PTPRT: variants seen among roughly 807,000 people sequenced by gnomAD.
The protein encoded by PTPRT is protein tyrosine phosphatase receptor type T, also known as receptor-type tyrosine-protein phosphatase T.
PTPRT carries 56 observed loss-of-function variants against 176.8 expected under a neutral mutation model. The observed-to-expected ratio is 0.32, with a 90% CI of 0.26 to 0.40. PTPRT has a LOEUF of 0.40. Among genes scored for constraint, PTPRT ranks in the 10% least tolerant of loss-of-function variants. The pLI is 1.00. For missense variants in PTPRT, 1,540 were observed against 1,908.2 expected (o/e 0.81, Z 3.60); for synonymous variants, 783 against 739.0 (o/e 1.06, Z -0.96).
Position 42,110,431 on chromosome 20 carries a change from G to C in PTPRT, c.3156C>G (p.Asp1052Glu), listed in dbSNP as rs778028209. Residue 1052 changes from aspartate (D) to glutamate (E), a missense_variant, in exon 23 of 31, where the codon GAC (aspartate) becomes GAG (glutamate). Coordinates refer to ENST00000373187, the MANE Select transcript of PTPRT (RefSeq NM_007050.6). ...CAGTGGCATAGCAGGGAACGCCGTG[G>C]TCAGGCCAGCTGGTGAAGTGGAAGA... ...LRLFHFTSWP[D>E]HGVPCYATGL... 1 of 1,612,808 alleles carries C rather than the reference G, an allele frequency of 6.2e-7. No individual in the cohort carries two copies. The highest frequency in any genetic ancestry group is 1.7e-5 in the Admixed American group (1 of 59,992).
chr20:42,748,795 G>A (rs1205937586), intron 6 of PTPRT, among the ~76,000 whole-genome samples: 1 of 151,950 alleles, frequency 6.6e-6, no homozygotes, highest in East Asian at 1.9e-4. Context: ...TGACTGGAGG[G>A]GGTTAAGGTA....
chr20:42,679,640 A>G (rs1383404008), intron 6 of PTPRT, among the ~76,000 whole-genome samples: 1 of 152,190 alleles, frequency 6.6e-6, no homozygotes, highest in African/African-American at 2.4e-5. Context: ...ATGTACTGAC[A>G]CATTTTTTGT....
chr20:42,085,938 C>A, intron 27 of PTPRT, 85 bp from the exon 28 acceptor site: 6 of 1,391,654 alleles, frequency 4.3e-6, no homozygotes, highest in South Asian at 1.3e-5. Context: ...CTTTTCTTTT[C>A]TTTTTTTCTT....
intron 1 of PTPRT, among the ~76,000 whole-genome samples, chr20:42,899,534 A>G (rs565831799): frequency 2.0e-4 from 30 of 152,298 alleles, no homozygotes; most frequent in Admixed American, 1.2e-3. Context: ...TCTCTATCAT[A>G]CCACCTTGTT....
intron 11 of PTPRT, among the ~76,000 whole-genome samples, chr20:42,336,819 G>A (rs1161211163): frequency 6.6e-6 from 1 of 152,140 alleles, no homozygotes; most frequent in Non-Finnish European, 1.5e-5. Context: ...GTTTCAGATG[G>A]CTGTGGATTA....
intron 9 of PTPRT, among the ~76,000 whole-genome samples, chr20:42,373,965 TG>T (rs1470079111): frequency 6.6e-6 from 1 of 152,054 alleles, no homozygotes; most frequent in East Asian, 1.9e-4. Flanking sequence ...CAGAGGGTGC[TG>T]GGGTGGGGTC....
intron 18 of PTPRT, 112 bp from the exon 19 acceptor site, chr20:42,128,942 C>A: frequency 2.6e-6 from 2 of 778,192 alleles, no homozygotes; most frequent in Non-Finnish European, 3.7e-6. Context: ...TTGTGCTACT[C>A]TCATTTAACT....
intron 1 of PTPRT, among the ~76,000 whole-genome samples, chr20:43,111,955 T>C (rs1193081035): frequency 6.6e-6 from 1 of 152,192 alleles, no homozygotes; most frequent in Non-Finnish European, 1.5e-5. Context: ...GAGGGCATCA[T>C]CTCATCACTA....
At chr20:42,343,603 G>A (rs1004980418) in intron 11 of PTPRT, among the ~76,000 whole-genome samples, 11 of 152,104 alleles carry the variant, frequency 7.2e-5, no homozygotes, top group East Asian at 1.9e-4. Flanking sequence ...TTTATATTTC[G>A]GAAAGGTGCT....
At chr20:42,712,258 G>A (rs2076155946) in intron 6 of PTPRT, among the ~76,000 whole-genome samples, 1 of 152,120 alleles carries the variant, frequency 6.6e-6, no homozygotes, top group Non-Finnish European at 1.5e-5. Flanking sequence ...CTAATTGTGG[G>A]TTCTGCCCTG....
In PTPRT at chr20:42,460,426, C is replaced by T. The variant is rs62203540; in HGVS notation, c.1450+11840G>A. Among the ~76,000 whole-genome samples, 1,327 of 152,282 alleles carry T rather than the reference C, an allele frequency of 8.7e-3. 11 individuals carry two copies. Among genetic ancestry groups the T allele is most frequent in the Middle Eastern group, 0.014 (4 of 294 alleles). On this transcript the variant is annotated intron_variant, in intron 8 of 30. Coordinates refer to ENST00000373187, the MANE Select transcript of PTPRT (RefSeq NM_007050.6). ...GCATCGAGTAGCTGCTACAGACCCT[C>T]TCATGGATAAAGCCTATACTTTAAG... is the stretch of plus-strand genomic sequence containing the variant.
intron 9 of PTPRT, among the ~76,000 whole-genome samples, chr20:42,388,503 C>A (rs2058766802): frequency 6.6e-6 from 1 of 152,324 alleles, no homozygotes; most frequent in African/African-American, 2.4e-5. Context: ...GACATTTATG[C>A]AGCCAACAGG....
intron 16 of PTPRT, among the ~76,000 whole-genome samples, chr20:42,176,807 A>G (rs2146567878): frequency 6.6e-6 from 1 of 152,370 alleles, no homozygotes; most frequent in South Asian, 2.1e-4. Flanking sequence ...AAGAAAGAGA[A>G]AATGAAATAA....
intron 27 of PTPRT, among the ~76,000 whole-genome samples, chr20:42,089,482 C>A (rs1168024148): frequency 3.3e-5 from 5 of 152,178 alleles, no homozygotes; most frequent in South Asian, 4.1e-4. Flanking sequence ...AATGATTTGT[C>A]TCTTTTAATA....
chr20:43,112,593 T>A (rs960801015), intron 1 of PTPRT, among the ~76,000 whole-genome samples: 3 of 152,238 alleles, frequency 2.0e-5, no homozygotes, highest in African/African-American at 7.2e-5. Context: ...GCTTTCAAAG[T>A]AAGATCTTTG....
chr20:43,066,705 G>A (rs956569117), intron 1 of PTPRT, among the ~76,000 whole-genome samples: 12 of 152,188 alleles, frequency 7.9e-5, no homozygotes, highest in Non-Finnish European at 1.5e-4. Context: ...AGTGGTGGAA[G>A]GGTAGGGAAG....
intron 6 of PTPRT, among the ~76,000 whole-genome samples, chr20:42,712,630 T>C (rs924087204): frequency 6.6e-6 from 1 of 152,192 alleles, no homozygotes; most frequent in African/African-American, 2.4e-5. Context: ...AAAAGTGATA[T>C]GTAAGGTGAT....
chr20:42,236,539 T>C (rs1389507475), intron 14 of PTPRT, among the ~76,000 whole-genome samples: 2 of 151,990 alleles, frequency 1.3e-5, no homozygotes, highest in Non-Finnish European at 2.9e-5. Context: ...GCTGTTGTAG[T>C]TGGTTCAAAG....
At chr20:42,703,171 C>T (rs572592838) in intron 6 of PTPRT, among the ~76,000 whole-genome samples, 14 of 152,072 alleles carry the variant, frequency 9.2e-5, no homozygotes, top group African/African-American at 3.4e-4. Flanking sequence ...CTTCATCTGA[C>T]CATGTGGGGC....
Sources: allele counts gnomAD v4.1 joint callset (sites outside exome capture counted in the v4.1 genomes callset), GRCh38; gene constraint gnomAD v4.1.1; transcripts MANE v1.5; gene names NCBI Gene and HGNC (gene_info 2026-07-23, HGNC 2026-07-21).